ANKRD31: variants seen among roughly 807,000 people sequenced by gnomAD.
The protein encoded by ANKRD31 is ankyrin repeat domain 31.
Under a neutral mutation model 186.0 loss-of-function variants are expected in ANKRD31, and 147 were observed. That is an observed-to-expected ratio of 0.79 (90% confidence interval 0.69 to 0.91). The LOEUF (loss-of-function observed/expected upper bound fraction) is 0.91, where lower values mean the gene tolerates loss of function less well. Among genes scored for constraint, ANKRD31 ranks in the 40% least tolerant of loss-of-function variants. The probability of loss-of-function intolerance (pLI) is 0.00; values close to 1 mark genes in which losing one functional copy is unlikely to be tolerated. For missense variants in ANKRD31, 1,986 were observed against 2,148.8 expected, an observed-to-expected ratio of 0.92 and a Z score of 1.50; for synonymous variants, 673 against 736.4, an observed-to-expected ratio of 0.91 and a Z score of 1.39.
At chr5:75,073,625 T>TA (rs1744408343) in intron 25 of ANKRD31, among the ~76,000 whole-genome samples, 1 of 152,244 alleles carries the variant, frequency 6.6e-6, no homozygotes, top group African/African-American at 2.4e-5. Context: ...GTTTTCAATT[T>TA]AAAAATGCTA....
At chr5:75,214,911 C>G (rs1243700072) in intron 3 of ANKRD31, among the ~76,000 whole-genome samples, 1 of 152,158 alleles carries the variant, frequency 6.6e-6, no homozygotes, top group East Asian at 1.9e-4. Flanking sequence ...CAGGATCCTC[C>G]AGAGAAACAG....
In ANKRD31 at chr5:75,105,163, C is replaced by T; in HGVS notation, c.4396G>A (p.Ala1466Thr). The T allele has an allele frequency of 6.5e-7, 1 of 1,535,620 alleles. No homozygotes were observed. Among genetic ancestry groups the T allele is most frequent in the South Asian group, 1.2e-5 (1 of 83,788 alleles). The change falls in exon 22 of 26, where the codon GCT (alanine) becomes ACT (threonine). Residue 1466 changes from alanine to threonine, a missense_variant. Ala to Thr is a moderately conservative substitution (Grantham distance 58). Coordinates refer to ENST00000506364, the MANE Select transcript of ANKRD31 (RefSeq NM_001372053.1). The stretch of plus-strand genomic sequence containing the variant: ...ACTAAAAGGCTCTTCTGTCTTGCAG[C>T]CAAGTTGGCCAATTGTTCTCTCAGG... The part of the protein sequence containing the change: ...GALREQLANL[A>T]ARQKSLLVVA...
At chr5:75,129,491 T>A (rs1019441778) in intron 17 of ANKRD31, among the ~76,000 whole-genome samples, 2 of 152,198 alleles carry the variant, frequency 1.3e-5, no homozygotes, top group Non-Finnish European at 2.9e-5. Context: ...TGGCTATGTG[T>A]AGGCTGAAAA....
chr5:75,107,241 G>T (rs1344430916), intron 21 of ANKRD31, among the ~76,000 whole-genome samples: 1 of 151,926 alleles, frequency 6.6e-6, no homozygotes, highest in Non-Finnish European at 1.5e-5. Context: ...TTGCCTGTGG[G>T]ATTCACAACC....
Position 75,091,400 on chromosome 5 carries a change from T to C in ANKRD31, c.5333A>G (p.Glu1778Gly). The stretch of plus-strand genomic sequence containing the variant: ...TAAAATACTGGCTTTGTGGGTAGTC[T>C]CCTGAAGTGAAAAATAAAACAGAAA... ...GNNILEFKTQ[E>G]TTHKASILLN... The change falls in exon 23 of 26, where the codon GAG (glutamate) becomes GGG (glycine). Residue 1778 changes from glutamate (E) to glycine (G), a missense_variant and splice_region_variant. Glu to Gly is a moderately conservative substitution (Grantham distance 98). Coordinates refer to ENST00000506364, the MANE Select transcript of ANKRD31 (RefSeq NM_001372053.1). 2 of 1,521,192 alleles carry C rather than the reference T, an allele frequency of 1.3e-6. No individual in the cohort carries two copies. Among genetic ancestry groups the C allele is most frequent in the Non-Finnish European group, 8.8e-7 (1 of 1,142,352 alleles). The allele number at this position is 1,521,192 out of a possible 1,614,324, so 94.2% of individuals were successfully genotyped here.
intron 24 of ANKRD31, among the ~76,000 whole-genome samples, chr5:75,081,132 T>C (rs992308180): frequency 6.6e-6 from 1 of 152,142 alleles, no homozygotes; most frequent in Non-Finnish European, 1.5e-5. Flanking sequence ...ATTAAGGAGA[T>C]TCAGACAAAA....
intron 10 of ANKRD31, among the ~76,000 whole-genome samples, chr5:75,182,413 A>G (rs1191745162): frequency 1.3e-5 from 2 of 152,158 alleles, no homozygotes; most frequent in Non-Finnish European, 2.9e-5. Flanking sequence ...AATAAAAATT[A>G]GTTTCCTAAA....
intron 23 of ANKRD31, among the ~76,000 whole-genome samples, chr5:75,087,088 T>A (rs1168939080): frequency 6.6e-6 from 1 of 152,166 alleles, no homozygotes; most frequent in Non-Finnish European, 1.5e-5. Context: ...ATAATATGCA[T>A]CAAAAAAGAA....
intron 1 of ANKRD31, among the ~76,000 whole-genome samples, chr5:75,232,289 A>T (rs1757998129): frequency 6.6e-6 from 1 of 152,114 alleles, no homozygotes; most frequent in South Asian, 2.1e-4. Context: ...CTTTTCAGAC[A>T]CAGTCACTCT....
intron 23 of ANKRD31, among the ~76,000 whole-genome samples, chr5:75,089,433 C>A (rs1285027303): frequency 6.6e-6 from 1 of 152,180 alleles, no homozygotes; most frequent in African/African-American, 2.4e-5. Context: ...TCCCATACCA[C>A]CCCCACCACT....
At chr5:75,161,305 G>A (rs1752558933) in intron 11 of ANKRD31, among the ~76,000 whole-genome samples, 1 of 152,128 alleles carries the variant, frequency 6.6e-6, no homozygotes, top group Admixed American at 6.5e-5. Flanking sequence ...GGTGACTCTT[G>A]TTATGTTTTA....
intron 17 of ANKRD31, among the ~76,000 whole-genome samples, chr5:75,118,621 T>C (rs978556167): frequency 2.0e-4 from 30 of 152,346 alleles, no homozygotes; most frequent in African/African-American, 7.0e-4. Context: ...GTTCTATATC[T>C]GCTCTGTCCA....
rs1368861228 is a variant in ANKRD31 at position 75,112,576 on chromosome 5, G to A, written c.4180C>T (p.Gln1394Ter). The A allele has an allele frequency of 2.0e-6, 3 of 1,522,872 alleles. No homozygotes were observed. The highest frequency in any genetic ancestry group is 2.0e-5 in the Admixed American group (1 of 50,078). The allele number at this position is 1,522,872 out of a possible 1,614,324, so 94.3% of individuals were successfully genotyped here. A position where few individuals can be genotyped will look rare whatever the true frequency, so the allele number is the denominator to read the frequency against. The stretch of plus-strand genomic sequence containing the variant: ...TATTCTTGTTTTTCTTCTATATCTT[G>A]TAGAATGGCACTGAGGGTCTGATGC... The part of the protein sequence containing the change: ...SVHQTLSAIL[Q>*]DIEEKQEYLL... The change falls in exon 20 of 26, where the codon CAA becomes TAA. Residue 1394 changes from glutamine (Q) to a stop codon, truncating the protein, a stop_gained. Coordinates refer to ENST00000506364, the MANE Select transcript of ANKRD31 (RefSeq NM_001372053.1). LOFTEE classifies it high-confidence loss of function.
intron 3 of ANKRD31, among the ~76,000 whole-genome samples, chr5:75,212,510 T>C (rs1268313964): frequency 6.6e-6 from 1 of 152,144 alleles, no homozygotes; most frequent in African/African-American, 2.4e-5. Flanking sequence ...CCCATGCCTA[T>C]AGTTCCAACT....
Position 75,118,270 on chromosome 5 carries a change from C to A in ANKRD31, c.3904G>T (p.Ala1302Ser). Residue 1302 changes from alanine to serine, a missense_variant, in exon 18 of 26, where the codon GCA (alanine) becomes TCA (serine). Ala to Ser is a moderately conservative substitution (Grantham distance 99, BLOSUM62 1). Coordinates refer to ENST00000506364, the MANE Select transcript of ANKRD31 (RefSeq NM_001372053.1). ...TTTTGATCTTTTTGATTAGGGTTTG[C>A]TCCATTTTGTAGTAGAATCTCAGCT... Reference protein sequence around the residue: ...KAAEILLQNGANPNQKDQKQK... With the variant: ...KAAEILLQNGSNPNQKDQKQK... The A allele has an allele frequency of 6.6e-7, 1 of 1,511,102 alleles. No individual in the cohort carries two copies. Among genetic ancestry groups the A allele is most frequent in the South Asian group, 1.3e-5 (1 of 78,208 alleles). The allele number at this position is 1,511,102 out of a possible 1,614,324, so 93.6% of individuals were successfully genotyped here. A position where few individuals can be genotyped will look rare whatever the true frequency, so the allele number is the denominator to read the frequency against.
chr5:75,206,159 G>T (rs1580554313), intron 5 of ANKRD31, among the ~76,000 whole-genome samples: 1 of 139,222 alleles, frequency 7.2e-6, no homozygotes, highest in Non-Finnish European at 1.5e-5. Flanking sequence ...AGGATAATTT[G>T]CCTGAGCCCA....
At chr5:75,224,129 TTATATATATATA>T (rs148986776) in intron 2 of ANKRD31, among the ~76,000 whole-genome samples, 1 of 105,752 alleles carries the variant, frequency 9.5e-6, no homozygotes, top group Non-Finnish European at 1.9e-5. Context: ...TCAGAAATAA[TTATATATATATA>T]TATATATATA....
At chr5:75,170,803 C>CA (rs1271909042) in intron 10 of ANKRD31, among the ~76,000 whole-genome samples, 3 of 151,882 alleles carry the variant, frequency 2.0e-5, no homozygotes, top group Non-Finnish European at 4.4e-5. Flanking sequence ...CGTAAATAAG[C>CA]AGTAAACATA....
intron 25 of ANKRD31, among the ~76,000 whole-genome samples, chr5:75,080,170 T>A (rs922987821): frequency 1.3e-5 from 2 of 152,158 alleles, no homozygotes; most frequent in African/African-American, 4.8e-5. Flanking sequence ...TTACCATTTG[T>A]TAAATTCTTC....
Sources: allele counts gnomAD v4.1 joint callset (sites outside exome capture counted in the v4.1 genomes callset), GRCh38; gene constraint gnomAD v4.1.1; transcripts MANE v1.5; gene names NCBI Gene and HGNC (gene_info 2026-07-23, HGNC 2026-07-21).